Variants in HAT1 observed in about 807,000 individuals in gnomAD.
The protein encoded by HAT1 is histone acetyltransferase type B catalytic subunit.
Under a neutral mutation model 56.6 loss-of-function variants are expected in HAT1, and 20 were observed. That is an observed-to-expected ratio of 0.35 (90% CI 0.25 to 0.51). HAT1 has a LOEUF of 0.51. HAT1 is among the 20% of genes least tolerant of loss of function. The pLI, the probability that HAT1 is intolerant of heterozygous loss-of-function variation, is 0.95. For missense variants in HAT1, 408 were observed against 504.3 expected (o/e 0.81, Z 1.83); for synonymous variants, 146 against 165.5 (o/e 0.88, Z 0.91).
At chr2:171,953,737 A>G (rs1351662026) in intron 4 of HAT1, among the ~76,000 whole-genome samples, 1 of 151,314 alleles carries the variant, frequency 6.6e-6, no homozygotes, top group African/African-American at 2.4e-5. Flanking sequence ...GCTAACGCCT[A>G]TAATCCCAGC....
At chr2:171,976,792 T>A (rs971506736) in intron 9 of HAT1, among the ~76,000 whole-genome samples, 3 of 152,160 alleles carry the variant, frequency 2.0e-5, no homozygotes, top group Admixed American at 6.5e-5. Context: ...TTTATTACAT[T>A]TATGTAAGCA....
rs2105957568 is a variant in HAT1, at chr2:171,922,518, G to C, written c.7+11G>C. 1.5e-6 allele frequency: 2 copies of C among 1,317,982 alleles called. No homozygotes were observed. The highest frequency in any genetic ancestry group is 2.0e-6 in the Non-Finnish European group (2 of 1,023,928). 81.6% of individuals were successfully genotyped at this position (1,317,982 alleles called of 1,614,324 possible). On this transcript the variant is annotated intron_variant, in intron 1 of 10. Transcript: ENST00000264108. ...GCTCGGAAATGGCGGGTAAGTTACC[G>C]GGAAAAGTTTACCAAGGGGAGGAGG...
chr2:171,939,027 C>T (rs1432390991), intron 2 of HAT1, among the ~76,000 whole-genome samples: 1 of 152,200 alleles, frequency 6.6e-6, no homozygotes, highest in African/African-American at 2.4e-5. Context: ...AGATGTGAGC[C>T]ACCAGGCCCG....
At chr2:171,952,272 T>A (rs189301477) in intron 3 of HAT1, among the ~76,000 whole-genome samples, 183 of 152,326 alleles carry the variant, frequency 1.2e-3, no homozygotes, top group Middle Eastern at 0.01. Flanking sequence ...TTTGGATAAT[T>A]TAGAGTTCAC....
chr2:171,950,446 C>T lies in HAT1; in HGVS notation c.189-2435C>T, dbSNP rs562831327. Reference sequence around the variant, plus strand: ...TCTGCCTGCCTCAGCCTCCCAAAGTCCTAGAATTACAGGCGTGAGCCACTG... The same window carrying T: ...TCTGCCTGCCTCAGCCTCCCAAAGTTCTAGAATTACAGGCGTGAGCCACTG... On this transcript the variant is annotated intron_variant, in intron 3 of 10. Transcript: ENST00000264108. Among the ~76,000 whole-genome samples, 5 of 150,284 alleles carry T rather than the reference C, an allele frequency of 3.3e-5. No homozygotes were observed. In the East Asian group the frequency reaches 9.9e-4, roughly 30 times the overall value.
intron 8 of HAT1, among the ~76,000 whole-genome samples, chr2:171,969,038 A>T (rs1687751111): frequency 6.6e-6 from 1 of 152,178 alleles, no homozygotes; most frequent in Non-Finnish European, 1.5e-5. Flanking sequence ...TTTTGCACTC[A>T]ATTTTAAGGT....
At chr2:171,955,609 C>T (rs1687420238) in intron 4 of HAT1, among the ~76,000 whole-genome samples, 1 of 150,980 alleles carries the variant, frequency 6.6e-6, no homozygotes, top group Non-Finnish European at 1.5e-5. Flanking sequence ...AAGCAAAACT[C>T]CATCTCAAAA....
At position 171,965,451 on chromosome 2, in the gene HAT1, C is replaced by T; in HGVS notation, c.423C>T (p.Thr141=). The change falls in exon 5 of 11, where the codon ACC becomes ACT. Residue 141 remains threonine (T), a synonymous_variant. Coordinates refer to ENST00000264108, the MANE Select transcript of HAT1 (RefSeq NM_003642.4). ...EKEVDFKPFG[T]LLHTYSVLSP... ...AAGTTGATTTCAAGCCATTCGGAAC[C>T]TTACTTCATACCTACTCAGTTCTCA... 6.2e-7 allele frequency: 1 copy of T among 1,610,934 alleles called. No individual in the cohort carries two copies.
intron 1 of HAT1, chr2:171,924,660 A>G (rs1216390458): frequency 1.3e-5 from 2 of 152,186 alleles, no homozygotes; most frequent in Non-Finnish European, 2.9e-5. Flanking sequence ...GGCATACATG[A>G]TTTTTAAATA....
chr2:171,939,501 T>C (rs1392771431), intron 2 of HAT1, among the ~76,000 whole-genome samples: 2 of 152,196 alleles, frequency 1.3e-5, no homozygotes, highest in Non-Finnish European at 2.9e-5. Context: ...GTGGTGACTG[T>C]TTTTCTAAAA....
intron 2 of HAT1, among the ~76,000 whole-genome samples, chr2:171,933,667 TA>T (rs1686798606): frequency 6.6e-6 from 1 of 152,256 alleles, no homozygotes; most frequent in Admixed American, 6.5e-5. Flanking sequence ...CCATGAGTTA[TA>T]TAGAAGAGGG....
rs1179776700 is a variant in HAT1, at chr2:171,966,828, ATTTCT to A, written c.717-12_717-8del. 1.6e-6 allele frequency: 2 copies of A among 1,250,346 alleles called. No individual in the cohort carries two copies. Among genetic ancestry groups the A allele is most frequent in the Non-Finnish European group, 2.3e-6 (2 of 858,440 alleles). The allele number at this position is 1,250,346 out of a possible 1,614,324, so 77.5% of individuals were successfully genotyped here. On this transcript the variant is annotated splice_polypyrimidine_tract_variant and intron_variant, in intron 7 of 10. Coordinates refer to ENST00000264108, the MANE Select transcript of HAT1 (RefSeq NM_003642.4). ...GTTATGATATTTTAATTTTAAAATA[ATTTCT>A]TTACTGTAGTCAGATGCTGATTTTG... is the stretch of plus-strand genomic sequence containing the variant.
intron 3 of HAT1, among the ~76,000 whole-genome samples, chr2:171,948,218 G>A (rs900114224): frequency 6.6e-6 from 1 of 152,038 alleles, no homozygotes; most frequent in Non-Finnish European, 1.5e-5. Flanking sequence ...TGGAAGAGTT[G>A]TAAAAATTCA....
intron 10 of HAT1, among the ~76,000 whole-genome samples, chr2:171,981,862 G>GT (rs1283958589): frequency 6.6e-6 from 1 of 152,040 alleles, no homozygotes; most frequent in African/African-American, 2.4e-5. Flanking sequence ...TTTTCCAAAG[G>GT]TTTTGACCTT....
rs187265961 is a variant in HAT1 at position 171,979,374 on chromosome 2, C to G, written c.1092+11C>G. 1.6e-6 allele frequency: 2 copies of G among 1,253,234 alleles called. No individual in the cohort carries two copies. Among genetic ancestry groups the G allele is most frequent in the Admixed American group, 3.4e-5 (2 of 59,524 alleles). 77.6% of individuals were successfully genotyped at this position (1,253,234 alleles called of 1,614,324 possible). On this transcript the variant is annotated intron_variant, in intron 10 of 10. Transcript: ENST00000264108. ...ATTAGCCCATATAAGGTAGGACTTTCAAGAATCTTAAACACTGTATTCTTT... is the reference window on the plus strand; with the variant it reads ...ATTAGCCCATATAAGGTAGGACTTTGAAGAATCTTAAACACTGTATTCTTT...
chr2:171,957,402 A>G (rs571221271), intron 4 of HAT1, among the ~76,000 whole-genome samples: 3 of 152,270 alleles, frequency 2.0e-5, no homozygotes, highest in South Asian at 2.1e-4. Context: ...GAGAGATTCT[A>G]TAACTGTTGT....
At chr2:171,943,937 C>T (rs898320469) in intron 2 of HAT1, among the ~76,000 whole-genome samples, 2 of 151,736 alleles carry the variant, frequency 1.3e-5, no homozygotes, top group Non-Finnish European at 2.9e-5. Context: ...GGCTTGAGCC[C>T]AGAAATTGGA....
intron 2 of HAT1, among the ~76,000 whole-genome samples, chr2:171,940,393 A>G (rs770262166): frequency 2.6e-5 from 4 of 152,114 alleles, no homozygotes; most frequent in Non-Finnish European, 2.9e-5. Context: ...ATCCCCTGCT[A>G]TTTCATTAGT....
At chr2:171,958,971 T>G (rs1409865868) in intron 4 of HAT1, among the ~76,000 whole-genome samples, 1 of 152,234 alleles carries the variant, frequency 6.6e-6, no homozygotes, top group Non-Finnish European at 1.5e-5. Flanking sequence ...AGAAATATTT[T>G]GAGTTCTATT....
Sources: gnomAD v4.1 joint callset for allele counts (sites outside exome capture counted in the v4.1 genomes callset) on GRCh38, gnomAD v4.1.1 for gene constraint, MANE v1.5 for transcripts, NCBI Gene and HGNC (gene_info 2026-07-23, HGNC 2026-07-21) for gene names.